Variants in PRH1 observed in about 807,000 individuals in gnomAD.
The protein encoded by PRH1 is proline rich protein HaeIII subfamily 1.
A neutral mutation model predicts 7.9 loss-of-function variants in PRH1; 7 were observed. The ratio of observed to expected loss-of-function variants is 0.89; its 90% CI spans 0.50 to 1.67. PRH1 has a LOEUF of 1.67. Among genes scored for constraint, PRH1 ranks in the 40% most tolerant of loss-of-function variants. PRH1 has a pLI of 0.00. For synonymous variants in PRH1, 45 were observed against 80.8 expected (o/e 0.56, Z 2.38); for missense variants, 109 against 223.6 (o/e 0.49, Z 3.27).
intron 2 of PRH1, among the ~76,000 whole-genome samples, chr12:10,967,290 C>T (rs1337486012): frequency 6.6e-6 from 1 of 151,976 alleles, no homozygotes; most frequent in Non-Finnish European, 1.5e-5. Context: ...ATATAATGAG[C>T]AGAGTAATCA....
intron 1 of PRH1, among the ~76,000 whole-genome samples, chr12:11,058,073 A>G (rs77604725): frequency 0.012 from 1,801 of 152,244 alleles, 11 homozygotes; most frequent in Non-Finnish European, 0.019. Context: ...CCAGCCCTAC[A>G]AAAAATACCA....
At chr12:10,918,604 C>G (rs1369411323) in intron 2 of PRH1, among the ~76,000 whole-genome samples, 1 of 152,082 alleles carries the variant, frequency 6.6e-6, no homozygotes, top group Non-Finnish European at 1.5e-5. Context: ...TTGACAAAGT[C>G]CCCTACAAAA....
intron 1 of PRH1, among the ~76,000 whole-genome samples, chr12:11,168,904 A>AC (rs1408710988): frequency 6.6e-6 from 1 of 152,232 alleles, no homozygotes; most frequent in African/African-American, 2.4e-5. Flanking sequence ...GCTATTGTGA[A>AC]CCACCCCCAC....
chr12:10,898,679 A>T (rs73054361), intron 2 of PRH1, among the ~76,000 whole-genome samples: 3 of 152,166 alleles, frequency 2.0e-5, no homozygotes, highest in African/African-American at 7.2e-5. Flanking sequence ...GAGAGGGTCA[A>T]TAGAAAGCAT....
At chr12:11,044,148 A>G (rs35152755) in intron 1 of PRH1, among the ~76,000 whole-genome samples, 33,953 of 152,106 alleles carry the variant, frequency 0.22, 3,835 homozygotes, top group Non-Finnish European at 0.24. Flanking sequence ...ACACACCTAC[A>G]GTGAACTCAT....
At chr12:11,113,123 A>G (rs1945637628) in intron 1 of PRH1, among the ~76,000 whole-genome samples, 1 of 152,216 alleles carries the variant, frequency 6.6e-6, no homozygotes, top group African/African-American at 2.4e-5. Context: ...GGAGAACAAC[A>G]AACCACTTCT....
chr12:11,066,128 T>C (rs1943799369), intron 1 of PRH1, among the ~76,000 whole-genome samples: 1 of 14,922 alleles, frequency 6.7e-5, no homozygotes, highest in African/African-American at 8.2e-5. Flanking sequence ...ATTGAAGAAC[T>C]TTAAGTCTCA....
intron 1 of PRH1, among the ~76,000 whole-genome samples, chr12:11,002,262 C>T (rs1182986983): frequency 1.3e-5 from 2 of 152,130 alleles, no homozygotes; most frequent in East Asian, 3.9e-4. Context: ...TAAAAGGGGC[C>T]ATGCTCTTCT....
intron 2 of PRH1, among the ~76,000 whole-genome samples, chr12:10,972,928 A>ACCCCCCCCCC (rs199859766): frequency 7.0e-5 from 7 of 100,392 alleles, no homozygotes; most frequent in South Asian, 3.3e-4. Flanking sequence ...AAGCACCACA[A>ACCCCCCCCCC]CCCACCCCCC....
chr12:11,028,542 C>T (rs1292647943), intron 1 of PRH1, among the ~76,000 whole-genome samples: 1 of 152,204 alleles, frequency 6.6e-6, no homozygotes, highest in African/African-American at 2.4e-5. Flanking sequence ...ACTTCAATAA[C>T]AGGTATTACA....
intron 2 of PRH1, among the ~76,000 whole-genome samples, chr12:10,932,607 A>C (rs1379656381): frequency 6.6e-6 from 1 of 152,206 alleles, no homozygotes; most frequent in African/African-American, 2.4e-5. Flanking sequence ...AAGTCCCAGA[A>C]GCTGAGAGAA....
chr12:10,903,330 C>T (rs971965848), intron 2 of PRH1, among the ~76,000 whole-genome samples: 1 of 152,072 alleles, frequency 6.6e-6, no homozygotes. Context: ...TATACATGCA[C>T]TCAGCATTGG....
intron 1 of PRH1, among the ~76,000 whole-genome samples, chr12:10,978,271 C>T (rs1341471593): frequency 1.3e-5 from 2 of 152,160 alleles, no homozygotes; most frequent in Non-Finnish European, 2.9e-5. Flanking sequence ...CACCCACCTA[C>T]AGCCATCTGA....
chr12:11,081,447 TATGTTAGA>T (rs1189169708), intron 1 of PRH1, among the ~76,000 whole-genome samples: 3 of 116,256 alleles, frequency 2.6e-5, no homozygotes, highest in African/African-American at 8.6e-5. Flanking sequence ...TTTGTTTTAG[TATGTTAGA>T]AAAGAAAATG....
At chr12:11,069,151 C>G (rs111693377) in intron 1 of PRH1, among the ~76,000 whole-genome samples, 62,274 of 128,422 alleles carry the variant, frequency 0.48, 13,868 homozygotes, top group Non-Finnish European at 0.57. Flanking sequence ...TAATTGTGCT[C>G]AAGAAATCTG....
chr12:11,154,995 C>A (rs1471500783), intron 1 of PRH1, among the ~76,000 whole-genome samples: 1 of 152,164 alleles, frequency 6.6e-6, no homozygotes, highest in Non-Finnish European at 1.5e-5. Flanking sequence ...TGCCATATTT[C>A]TTGCAGTGTG....
At chr12:11,000,985 C>A (rs1183653549) in intron 1 of PRH1, among the ~76,000 whole-genome samples, 2 of 149,592 alleles carry the variant, frequency 1.3e-5, no homozygotes, top group East Asian at 4.2e-4. Context: ...AAGTTGGGTT[C>A]TTTGTTCAGT....
intron 2 of PRH1, chr12:10,896,814 A>G (rs2135802410): frequency 6.6e-6 from 1 of 152,200 alleles, no homozygotes; most frequent in South Asian, 2.1e-4. Flanking sequence ...CATACGATAC[A>G]TACTTTGGCA....
intron 1 of PRH1, among the ~76,000 whole-genome samples, chr12:11,074,384 G>A (rs1313537105): frequency 6.8e-6 from 1 of 147,302 alleles, no homozygotes; most frequent in African/African-American, 2.5e-5. Flanking sequence ...TGTAAAAGTG[G>A]CCACCTGAGC....
Sources: gnomAD v4.1 joint callset for allele counts (sites outside exome capture counted in the v4.1 genomes callset) on GRCh38, gnomAD v4.1.1 for gene constraint, MANE v1.5 for transcripts, NCBI Gene and HGNC (gene_info 2026-07-23, HGNC 2026-07-21) for gene names.